CNTN4: variants seen among roughly 807,000 people sequenced by gnomAD.
CNTN4 encodes the protein contactin 4.
In CNTN4, 77 loss-of-function variants were observed where a neutral mutation model predicts 122.5. The ratio of observed to expected loss-of-function variants is 0.63; its 90% CI spans 0.52 to 0.76. The LOEUF (loss-of-function observed/expected upper bound fraction) is 0.76. Among genes scored for constraint, CNTN4 ranks in the 30% least tolerant of loss-of-function variants. CNTN4 has a pLI of 0.00. For missense variants in CNTN4, 1,256 were observed against 1,259.1 expected (o/e 1.00, Z 0.04); for synonymous variants, 512 against 447.0 (o/e 1.15, Z -1.83).
At chr3:3,006,275 C>T (rs891261562) in intron 14 of CNTN4, among the ~76,000 whole-genome samples, 5 of 152,142 alleles carry the variant, frequency 3.3e-5, no homozygotes, top group Non-Finnish European at 7.4e-5. Flanking sequence ...ATAAACTTCA[C>T]GATCAGAACA....
chr3:2,392,986 G>A (rs1033605920), intron 3 of CNTN4, among the ~76,000 whole-genome samples: 11 of 152,142 alleles, frequency 7.2e-5, no homozygotes, highest in African/African-American at 2.7e-4. Flanking sequence ...CAAACTGAGT[G>A]GCTTAAACAA....
intron 4 of CNTN4, among the ~76,000 whole-genome samples, chr3:2,718,544 G>A (rs1355912428): frequency 2.6e-5 from 4 of 152,138 alleles, no homozygotes; most frequent in African/African-American, 9.7e-5. Flanking sequence ...GACAAGGTTG[G>A]TTATATTTCA....
chr3:2,457,816 G>T (rs1366895632), intron 3 of CNTN4, among the ~76,000 whole-genome samples: 1 of 152,080 alleles, frequency 6.6e-6, no homozygotes, highest in Admixed American at 6.6e-5. Flanking sequence ...CTCAAGGTAC[G>T]TTTACATCCC....
chr3:2,128,250 AT>A (rs1286514793), intron 2 of CNTN4, among the ~76,000 whole-genome samples: 1 of 152,200 alleles, frequency 6.6e-6, no homozygotes, highest in Non-Finnish European at 1.5e-5. Context: ...ACTGGTGAGC[AT>A]TTGGTGAATT....
chr3:2,482,030 A>G (rs2076021209), intron 3 of CNTN4, among the ~76,000 whole-genome samples: 1 of 152,238 alleles, frequency 6.6e-6, no homozygotes, highest in African/African-American at 2.4e-5. Flanking sequence ...GTGCTGCTAT[A>G]AAGATAGACG....
intron 2 of CNTN4, among the ~76,000 whole-genome samples, chr3:2,122,169 A>AT (rs397978458): frequency 1.3e-5 from 2 of 150,856 alleles, no homozygotes; most frequent in African/African-American, 2.4e-5. Context: ...AAAAAAAAAA[A>AT]TTATTTTTCT....
chr3:2,782,655 A>G (rs1223507281), intron 6 of CNTN4, among the ~76,000 whole-genome samples: 1 of 152,184 alleles, frequency 6.6e-6, no homozygotes, highest in East Asian at 1.9e-4. Context: ...ACCAGGTGTC[A>G]TGATTCAGTT....
At chr3:2,207,376 G>C (rs1378546868) in intron 2 of CNTN4, among the ~76,000 whole-genome samples, 1 of 152,108 alleles carries the variant, frequency 6.6e-6, no homozygotes, top group African/African-American at 2.4e-5. Context: ...GGCCAAAAAG[G>C]TAGGTCTCTG....
At position 2,420,606 on chromosome 3, in the gene CNTN4, T is replaced by C. The variant is rs529947078; in HGVS notation, c.-89+81373T>C. ...ATGCACTACCATGCCCACCTATTTTTTGTATTTTTAGTAGAGACACGGATT... is the reference window on the plus strand; with the variant it reads ...ATGCACTACCATGCCCACCTATTTTCTGTATTTTTAGTAGAGACACGGATT... On this transcript the variant is annotated intron_variant, in intron 3 of 24. Coordinates refer to ENST00000418658, the MANE Select transcript of CNTN4 (RefSeq NM_175607.3). Among the ~76,000 whole-genome samples the C allele has an allele frequency of 2.6e-4, 40 of 152,072 alleles. No homozygotes were observed. The South Asian group carries it at 2.7e-3, about 10-fold the overall frequency.
intron 2 of CNTN4, among the ~76,000 whole-genome samples, chr3:2,193,596 T>G (rs1399437243): frequency 2.6e-5 from 4 of 152,198 alleles, no homozygotes; most frequent in Non-Finnish European, 5.9e-5. Flanking sequence ...TTAACAACAC[T>G]GAAACACAGC....
chr3:2,538,051 C>A (rs946756058), intron 3 of CNTN4, among the ~76,000 whole-genome samples: 4 of 151,840 alleles, frequency 2.6e-5, no homozygotes, highest in Non-Finnish European at 5.9e-5. Flanking sequence ...GATGTAATTA[C>A]TTAAGGTGAT....
intron 2 of CNTN4, among the ~76,000 whole-genome samples, chr3:2,117,566 T>C (rs1574860729): frequency 1.3e-5 from 2 of 152,308 alleles, no homozygotes; most frequent in East Asian, 3.9e-4. Context: ...CCTCTAATTA[T>C]ATCTTGGTCT....
intron 6 of CNTN4, among the ~76,000 whole-genome samples, chr3:2,772,127 G>A (rs912234491): frequency 6.6e-6 from 1 of 152,096 alleles, no homozygotes. Flanking sequence ...TAATCTTTTG[G>A]TGGCTGACGA....
intron 2 of CNTN4, among the ~76,000 whole-genome samples, chr3:2,174,132 TA>T (rs1005989058): frequency 6.6e-6 from 1 of 152,180 alleles, no homozygotes; most frequent in Non-Finnish European, 1.5e-5. Flanking sequence ...CATTTATTTT[TA>T]CTTTTAAGGT....
chr3:2,624,877 C>A (rs1013510275), intron 4 of CNTN4, among the ~76,000 whole-genome samples: 3 of 151,984 alleles, frequency 2.0e-5, no homozygotes, highest in Non-Finnish European at 4.4e-5. Context: ...CAATGATCCA[C>A]CCACCTCGGC....
intron 7 of CNTN4, among the ~76,000 whole-genome samples, chr3:2,834,279 T>A (rs1213608170): frequency 6.6e-6 from 1 of 152,006 alleles, no homozygotes; most frequent in African/African-American, 2.4e-5. Context: ...ATCAAAGAAG[T>A]TGTGGCCAGG....
chr3:2,823,254 G>A (rs1320021999), intron 7 of CNTN4, among the ~76,000 whole-genome samples: 1 of 152,184 alleles, frequency 6.6e-6, no homozygotes, highest in African/African-American at 2.4e-5. Context: ...CAGAGGAAGG[G>A]AAATGAGTCA....
intron 13 of CNTN4, among the ~76,000 whole-genome samples, chr3:2,933,081 C>T (rs1435718333): frequency 6.6e-6 from 1 of 152,134 alleles, no homozygotes; most frequent in Non-Finnish European, 1.5e-5. Context: ...CTCGGCCTCC[C>T]AAAGTGCTGG....
intron 4 of CNTN4, among the ~76,000 whole-genome samples, chr3:2,642,919 C>G (rs538903455): frequency 6.6e-6 from 1 of 152,258 alleles, no homozygotes; most frequent in South Asian, 2.1e-4. Context: ...TGATTTGATG[C>G]AAGTGATCTA....
Sources: gnomAD v4.1 joint callset for allele counts (sites outside exome capture counted in the v4.1 genomes callset) on GRCh38, gnomAD v4.1.1 for gene constraint, MANE v1.5 for transcripts, NCBI Gene and HGNC (gene_info 2026-07-23, HGNC 2026-07-21) for gene names.